Variants in PXDNL observed in about 807,000 individuals in gnomAD.
PXDNL encodes the protein probable oxidoreductase PXDNL.
Under a neutral mutation model 150.8 loss-of-function variants are expected in PXDNL, and 145 were observed. That is an observed-to-expected ratio of 0.96 (90% CI 0.84 to 1.10). The LOEUF is 1.10. Ranked by LOEUF, PXDNL falls within the 50% of genes least tolerant of loss-of-function variation. PXDNL has a pLI of 0.00. For synonymous variants in PXDNL, 757 were observed against 725.7 expected (o/e 1.04, Z -0.69); for missense variants, 2,087 against 1,873.9 (o/e 1.11, Z -2.10).
At chr8:51,382,877 GA>G (rs1807592697) in intron 17 of PXDNL, among the ~76,000 whole-genome samples, 1 of 152,162 alleles carries the variant, frequency 6.6e-6, no homozygotes, top group Non-Finnish European at 1.5e-5. Context: ...CTTTCCCAGA[GA>G]GTATAATCCT....
At chr8:51,513,502 A>C (rs1009447478) in intron 4 of PXDNL, among the ~76,000 whole-genome samples, 4 of 152,258 alleles carry the variant, frequency 2.6e-5, no homozygotes, top group Non-Finnish European at 4.4e-5. Context: ...ACTTCAGACA[A>C]GCATGGCATT....
intron 18 of PXDNL, among the ~76,000 whole-genome samples, chr8:51,374,261 G>C (rs919753754): frequency 1.3e-5 from 2 of 152,156 alleles, no homozygotes; most frequent in African/African-American, 4.8e-5. Context: ...TGAGGAACCT[G>C]GTTCTGAGTG....
chr8:51,744,726 A>G (rs1373247861), intron 1 of PXDNL, among the ~76,000 whole-genome samples: 3 of 15,422 alleles, frequency 1.9e-4, no homozygotes, highest in Non-Finnish European at 7.5e-4. Context: ...AAAGAGAAAA[A>G]GAAAAGAAAG....
intron 1 of PXDNL, among the ~76,000 whole-genome samples, chr8:51,797,007 A>G (rs1193310443): frequency 6.6e-6 from 1 of 152,236 alleles, no homozygotes; most frequent in Non-Finnish European, 1.5e-5. Context: ...CCAGGATGCA[A>G]GGCTGGTCAA....
At chr8:51,717,696 G>C (rs1008277539) in intron 1 of PXDNL, among the ~76,000 whole-genome samples, 14 of 152,224 alleles carry the variant, frequency 9.2e-5, no homozygotes, top group African/African-American at 3.4e-4. Flanking sequence ...AGGGGCTCAG[G>C]GAAAAGGAAA....
intron 2 of PXDNL, among the ~76,000 whole-genome samples, chr8:51,603,140 A>T (rs1813762526): frequency 6.6e-6 from 1 of 151,898 alleles, no homozygotes; most frequent in African/African-American, 2.4e-5. Context: ...CTTTCTAGAC[A>T]TACTGCAATG....
chr8:51,328,449 G>C (rs572378244), intron 21 of PXDNL, among the ~76,000 whole-genome samples: 2 of 152,264 alleles, frequency 1.3e-5, no homozygotes, highest in South Asian at 4.1e-4. Flanking sequence ...GCTTTTCTCA[G>C]TCCACCAATT....
intron 5 of PXDNL, among the ~76,000 whole-genome samples, chr8:51,494,630 C>T (rs1435178241): frequency 6.6e-6 from 1 of 151,946 alleles, no homozygotes; most frequent in Non-Finnish European, 1.5e-5. Context: ...GGTTGCAATC[C>T]TAGTCTATGA....
chr8:51,322,789 G>A (rs1314498081), intron 21 of PXDNL, among the ~76,000 whole-genome samples: 1 of 152,220 alleles, frequency 6.6e-6, no homozygotes, highest in African/African-American at 2.4e-5. Context: ...CACTGCTTTT[G>A]TATTGAAGTA....
At chr8:51,735,345 C>T (rs923733192) in intron 1 of PXDNL, among the ~76,000 whole-genome samples, 7 of 151,208 alleles carry the variant, frequency 4.6e-5, no homozygotes, top group Admixed American at 2.0e-4. Context: ...ATTAGCTGGG[C>T]ATGGTGGTGC....
At chr8:51,756,224 T>A (rs986808527) in intron 1 of PXDNL, among the ~76,000 whole-genome samples, 3 of 151,924 alleles carry the variant, frequency 2.0e-5, no homozygotes, top group Non-Finnish European at 4.4e-5. Context: ...CAAAATACCA[T>A]CTCTGCAAAA....
intron 12 of PXDNL, among the ~76,000 whole-genome samples, chr8:51,429,946 T>C (rs991484511): frequency 5.3e-5 from 8 of 152,334 alleles, no homozygotes; most frequent in Non-Finnish European, 1.2e-4. Context: ...GCTGAGACCA[T>C]GGCTGATTGA....
chr8:51,464,757 T>C lies in PXDNL; in HGVS notation c.813-7090A>G, dbSNP rs1162010966. ...AGGGGAGGGATAGCATTAGGAGAAA[T>C]ACCTAATGTAGATGACAGGTTGATG... On this transcript the variant is annotated intron_variant, in intron 8 of 22. Coordinates refer to ENST00000356297, the MANE Select transcript of PXDNL (RefSeq NM_144651.5). Among the ~76,000 whole-genome samples the C allele has an allele frequency of 2.0e-5, 3 of 152,036 alleles. No homozygotes were observed. In the East Asian group the frequency reaches 5.8e-4, roughly 29 times the overall value.
At chr8:51,413,298 C>T (rs1400709847) in intron 14 of PXDNL, 40 bp from the exon 15 acceptor site, 5 of 1,267,258 alleles carry the variant, frequency 3.9e-6, no homozygotes, top group African/African-American at 1.5e-5. Context: ...ATCAAACAGA[C>T]CTTGAAGTTA....
At chr8:51,517,642 T>C (rs1811572523) in intron 4 of PXDNL, among the ~76,000 whole-genome samples, 1 of 152,218 alleles carries the variant, frequency 6.6e-6, no homozygotes, top group Non-Finnish European at 1.5e-5. Flanking sequence ...GATAACACTA[T>C]TATATGTGTA....
chr8:51,351,414 G>A (rs1221286832), intron 19 of PXDNL, among the ~76,000 whole-genome samples: 1 of 152,168 alleles, frequency 6.6e-6, no homozygotes, highest in Non-Finnish European at 1.5e-5. Context: ...AGAGGTCAGA[G>A]AGATACAGCA....
At chr8:51,680,828 A>G (rs1292543094) in intron 1 of PXDNL, among the ~76,000 whole-genome samples, 1 of 152,214 alleles carries the variant, frequency 6.6e-6, no homozygotes, top group Non-Finnish European at 1.5e-5. Context: ...TTGTGAAGAT[A>G]TGTGATTAAG....
In PXDNL at chr8:51,573,669, G is replaced by A. The variant is rs374192578; in HGVS notation, c.309-16758C>T. The stretch of plus-strand genomic sequence containing the variant: ...ACTCCTACCTGCACCTGACAATAAC[G>A]AGGCAGCATTCCTTCCTTTGACAGC... On this transcript the variant is annotated intron_variant, in intron 3 of 22. Transcript: ENST00000356297. Among the ~76,000 whole-genome samples, 9 of 152,102 alleles carry A rather than the reference G, an allele frequency of 5.9e-5. No homozygotes were observed. In the East Asian group the frequency reaches 9.7e-4, roughly 16 times the overall value.
At chr8:51,337,428 C>T (rs181417119) in intron 21 of PXDNL, among the ~76,000 whole-genome samples, 12 of 152,344 alleles carry the variant, frequency 7.9e-5, no homozygotes, top group Admixed American at 2.0e-4. Context: ...TTTGCTGTTA[C>T]AACATCTCTT....
Sources: gnomAD v4.1 joint callset for allele counts (sites outside exome capture counted in the v4.1 genomes callset) on GRCh38, gnomAD v4.1.1 for gene constraint, MANE v1.5 for transcripts, NCBI Gene and HGNC (gene_info 2026-07-23, HGNC 2026-07-21) for gene names.